The following CFAP44 variants were observed in gnomAD, a reference collection of about 807,000 sequenced individuals.
CFAP44 encodes cilia and flagella associated protein 44, also known as cilia- and flagella-associated protein 44.
In CFAP44, 134 loss-of-function variants were observed where a neutral mutation model predicts 216.2. The observed-to-expected ratio is 0.62, with a 90% CI of 0.54 to 0.72. CFAP44 has a LOEUF of 0.72. Ranked by LOEUF, CFAP44 falls within the 30% of genes least tolerant of loss-of-function variation. The probability of loss-of-function intolerance (pLI) is 0.00; values close to 1 mark genes in which losing one functional copy is unlikely to be tolerated. For synonymous variants in CFAP44, 700 were observed against 727.6 expected, an observed-to-expected ratio of 0.96 and a Z score of 0.61; for missense variants, 2,035 against 2,182.1, an observed-to-expected ratio of 0.93 and a Z score of 1.34.
Position 113,291,399 on chromosome 3 carries a change from G to T in CFAP44, c.*158C>A. On this transcript the variant is annotated 3_prime_UTR_variant, in exon 35 of 35. Transcript: ENST00000393845. ...CAGTCAGTTCTAAGATAACCAAATTGTAGAGAGATTCTTAAAGTGACTTAA... is the reference window on the plus strand; with the variant it reads ...CAGTCAGTTCTAAGATAACCAAATTTTAGAGAGATTCTTAAAGTGACTTAA... The T allele has an allele frequency of 1.2e-6, 1 of 834,430 alleles. No homozygotes were observed. Among genetic ancestry groups the T allele is most frequent in the Non-Finnish European group, 1.8e-6 (1 of 551,394 alleles). The allele number at this position is 834,430 out of a possible 1,614,324, so 51.7% of individuals were successfully genotyped here.
chr3:113,438,057 G>A (rs953227394), intron 1 of CFAP44, among the ~76,000 whole-genome samples: 3 of 152,120 alleles, frequency 2.0e-5, no homozygotes, highest in African/African-American at 4.8e-5. Flanking sequence ...ACTTAAAAAC[G>A]TACTGTTAAC....
Position 113,366,319 on chromosome 3 carries a change from A to G in CFAP44, c.2445-10T>C, listed in dbSNP as rs1421760721. The G allele has an allele frequency of 6.3e-7, 1 of 1,587,394 alleles. No individual in the cohort carries two copies. The highest frequency in any genetic ancestry group is 8.6e-7 in the Non-Finnish European group (1 of 1,163,102). On this transcript the variant is annotated splice_polypyrimidine_tract_variant and intron_variant, in intron 18 of 34. Transcript: ENST00000393845. ...CATAACTTTGTTAATGCTACGAAACAAAAAATGTAAATTGTTCTTCCCATT... is the reference window on the plus strand; with the variant it reads ...CATAACTTTGTTAATGCTACGAAACGAAAAATGTAAATTGTTCTTCCCATT...
chr3:113,430,429 G>GAAAAAAAAAAAAAAA (rs754983161), intron 2 of CFAP44, among the ~76,000 whole-genome samples: 5 of 74,196 alleles, frequency 6.7e-5, no homozygotes, highest in Non-Finnish European at 8.8e-5. Context: ...AAAAATAAAT[G>GAAAAAAAAAAAAAAA]AAAAAAAAAA....
chr3:113,423,212 T>G (rs537500520), intron 4 of CFAP44, among the ~76,000 whole-genome samples: 1 of 144,692 alleles, frequency 6.9e-6, no homozygotes, highest in East Asian at 2.2e-4. Flanking sequence ...CTTCCCAGGC[T>G]CAAGAGATTC....
chr3:113,293,807 T>C (rs1576532305), intron 34 of CFAP44: 1 of 269,578 alleles, frequency 3.7e-6, no homozygotes, highest in South Asian at 3.9e-5. Flanking sequence ...ACATTGTTTC[T>C]TACTTTGGGA....
At chr3:113,338,424 A>G (rs1333629320) in intron 24 of CFAP44, among the ~76,000 whole-genome samples, 1 of 152,208 alleles carries the variant, frequency 6.6e-6, no homozygotes, top group East Asian at 1.9e-4. Context: ...TCTCAACAGT[A>G]AAAGAGCGAA....
chr3:113,317,688 G>C (rs562490908), intron 28 of CFAP44, among the ~76,000 whole-genome samples: 1 of 152,346 alleles, frequency 6.6e-6, no homozygotes, highest in East Asian at 1.9e-4. Flanking sequence ...GCCAGCACTT[G>C]AGCTGGGGAG....
chr3:113,307,841 G>T (rs936039848), intron 29 of CFAP44, among the ~76,000 whole-genome samples: 1 of 152,058 alleles, frequency 6.6e-6, no homozygotes, highest in East Asian at 1.9e-4. Context: ...TTAGGTGGGC[G>T]TGATGGCATG....
intron 2 of CFAP44, among the ~76,000 whole-genome samples, chr3:113,429,935 TAG>T (rs1311918263): frequency 2.6e-5 from 4 of 152,216 alleles, no homozygotes; most frequent in African/African-American, 9.6e-5. Flanking sequence ...GTCAAAAACT[TAG>T]TAAAGACATA....
rs1001498804 is a variant in CFAP44 at position 113,290,502 on chromosome 3, G to C, written c.*1055C>G. The C allele has an allele frequency of 6.6e-6, 1 of 152,198 alleles. No homozygotes were observed. The highest frequency in any genetic ancestry group is 2.4e-5 in the African/African-American group (1 of 41,448). The allele number at this position is 152,198 out of a possible 1,614,324, so 9.4% of individuals were successfully genotyped here. On this transcript the variant is annotated 3_prime_UTR_variant, in exon 35 of 35. Transcript: ENST00000393845. ...TCAGTGACCAGCTTATCCTGGAACA[G>C]CCTCAATGAGTAGCTCGTTAATACA...
At chr3:113,338,392 G>C (rs1021422964) in intron 24 of CFAP44, among the ~76,000 whole-genome samples, 4 of 150,068 alleles carry the variant, frequency 2.7e-5, no homozygotes, top group African/African-American at 9.9e-5. Context: ...CTAGTATCTA[G>C]AATATATAAA....
chr3:113,338,367 A>G (rs1010736830), intron 24 of CFAP44, among the ~76,000 whole-genome samples: 6 of 151,760 alleles, frequency 4.0e-5, no homozygotes, highest in African/African-American at 1.5e-4. Flanking sequence ...ACTAGCATAT[A>G]GTATATATCC....
chr3:113,358,318 G>A (rs1261873517), intron 22 of CFAP44, among the ~76,000 whole-genome samples: 2 of 151,798 alleles, frequency 1.3e-5, no homozygotes, highest in Non-Finnish European at 2.9e-5. Flanking sequence ...TTATATCTCA[G>A]TAAATGGCAA....
rs763645839 is a variant in CFAP44 at position 113,379,600 on chromosome 3, G to A, written c.2053-49C>T. Reference sequence around the variant, plus strand: ...GTATAAAAACAATTATGACTCATTCGTTCATTTACACCATTAGGGATGACA... The same window carrying A: ...GTATAAAAACAATTATGACTCATTCATTCATTTACACCATTAGGGATGACA... On this transcript the variant is annotated intron_variant, in intron 16 of 34. Coordinates refer to ENST00000393845, the MANE Select transcript of CFAP44 (RefSeq NM_001164496.2). 22 of 1,424,414 alleles carry A rather than the reference G, an allele frequency of 1.5e-5. No homozygotes were observed. In the South Asian group the frequency reaches 2.3e-4, roughly 15 times the overall value. 88.2% of individuals were successfully genotyped at this position (1,424,414 alleles called of 1,614,324 possible). A position where few individuals can be genotyped will look rare whatever the true frequency, so the allele number is the denominator to read the frequency against.
intron 2 of CFAP44, among the ~76,000 whole-genome samples, chr3:113,428,552 T>G (rs1935023437): frequency 6.6e-6 from 1 of 152,220 alleles, no homozygotes; most frequent in African/African-American, 2.4e-5. Flanking sequence ...GATGGAAGAC[T>G]TATGGTTTGA....
At chr3:113,424,865 T>C (rs1026298255) in intron 4 of CFAP44, among the ~76,000 whole-genome samples, 1 of 152,294 alleles carries the variant, frequency 6.6e-6, no homozygotes, top group Admixed American at 6.5e-5. Flanking sequence ...ATACAGACCC[T>C]CCCATCCTGG....
chr3:113,380,903 A>G lies in CFAP44; in HGVS notation c.2048T>C (p.Ile683Thr). Residue 683 changes from isoleucine to threonine, a missense_variant, in exon 16 of 35, where the codon ATT (isoleucine) becomes ACT (threonine). Around this residue, in one of 3 missense-constraint regions of CFAP44, gnomAD observed 1,883 missense variants for 2,023.7 expected, o/e 0.93. Coordinates refer to ENST00000393845, the MANE Select transcript of CFAP44 (RefSeq NM_001164496.2). ...CFHFSSVKSKILRLIEIEKRE... is the reference protein window; with the variant it reads ...CFHFSSVKSKTLRLIEIEKRE... The stretch of plus-strand genomic sequence containing the variant: ...TGCTTCAGGAATATTCCATACCAGA[A>G]TCTTAGATTTGACACTTGAAAAATG... The G allele has an allele frequency of 7.0e-6, 11 of 1,576,478 alleles. No homozygotes were observed. The highest frequency in any genetic ancestry group is 9.4e-6 in the Non-Finnish European group (11 of 1,164,118).
Position 113,407,125 on chromosome 3 carries a change from C to A in CFAP44, c.891-84G>T. The stretch of plus-strand genomic sequence containing the variant: ...ATATGACCCAAACATTTACATATTT[C>A]ATAGTTGCATATATTATTTCATTCA... On this transcript the variant is annotated intron_variant, in intron 7 of 34. Coordinates refer to ENST00000393845, the MANE Select transcript of CFAP44 (RefSeq NM_001164496.2). 4 of 965,796 alleles carry A rather than the reference C, an allele frequency of 4.1e-6. 1 individual carries two copies. In the South Asian group the frequency reaches 5.6e-5, roughly 14 times the overall value. The allele number at this position is 965,796 out of a possible 1,614,324, so 59.8% of individuals were successfully genotyped here.
rs563020039 is a variant in CFAP44 at position 113,302,671 on chromosome 3, G to A, written c.5077+1245C>T. Among the ~76,000 whole-genome samples, 75 of 146,458 alleles carry A rather than the reference G, an allele frequency of 5.1e-4. 1 individual carries two copies. Among genetic ancestry groups the A allele is most frequent in the African/African-American group, 1.6e-3 (65 of 39,874 alleles). On this transcript the variant is annotated intron_variant, in intron 32 of 34. Coordinates refer to ENST00000393845, the MANE Select transcript of CFAP44 (RefSeq NM_001164496.2). ...AGCTACTCGGGAGGCTGAGGCAGGAGAATTGCTTGAGCCCAGGAGGCAGAG... is the reference window on the plus strand; with the variant it reads ...AGCTACTCGGGAGGCTGAGGCAGGAAAATTGCTTGAGCCCAGGAGGCAGAG...
Sources: gnomAD v4.1 joint callset for allele counts (sites outside exome capture counted in the v4.1 genomes callset) on GRCh38, gnomAD v4.1.1 for gene constraint, gnomAD v4.1.1 regional missense constraint, MANE v1.5 for transcripts, NCBI Gene and HGNC (gene_info 2026-07-23, HGNC 2026-07-21) for gene names.